FRMD4A: variants seen among roughly 807,000 people sequenced by gnomAD.
FRMD4A encodes the protein FERM domain containing 4A.
Under a neutral mutation model 129.1 loss-of-function variants are expected in FRMD4A, and 29 were observed. The ratio of observed to expected loss-of-function variants is 0.22; its 90% CI spans 0.17 to 0.31. The LOEUF (loss-of-function observed/expected upper bound fraction) is 0.31, where lower values mean the gene tolerates loss of function less well. Among genes scored for constraint, FRMD4A ranks in the 10% least tolerant of loss-of-function variants. The pLI is 1.00. For missense variants in FRMD4A, 1,272 were observed against 1,375.8 expected (o/e 0.92, Z 1.19); for synonymous variants, 634 against 571.6 (o/e 1.11, Z -1.56).
chr10:13,778,360 T>A (rs2092651665), intron 6 of FRMD4A, among the ~76,000 whole-genome samples: 1 of 152,102 alleles, frequency 6.6e-6, no homozygotes, highest in Admixed American at 6.5e-5. Context: ...CATTATGGTA[T>A]CTTTTCCCTC....
intron 3 of FRMD4A, among the ~76,000 whole-genome samples, chr10:13,851,884 G>A (rs1270225592): frequency 1.4e-5 from 2 of 140,176 alleles, no homozygotes; most frequent in African/African-American, 5.4e-5. Flanking sequence ...TGGTGACAAA[G>A]CAAGACTCTG....
At chr10:13,898,005 G>T (rs2094777799) in intron 2 of FRMD4A, among the ~76,000 whole-genome samples, 1 of 150,388 alleles carries the variant, frequency 6.6e-6, no homozygotes, top group Non-Finnish European at 1.5e-5. Context: ...GTTCAGTTAA[G>T]AGGGTTGGAG....
intron 2 of FRMD4A, among the ~76,000 whole-genome samples, chr10:13,974,484 G>A (rs1434047881): frequency 6.6e-6 from 1 of 152,092 alleles, no homozygotes; most frequent in African/African-American, 2.4e-5. Context: ...CACTGGTCCT[G>A]TATCTTCAAT....
At chr10:14,027,327 A>G (rs972700763) in intron 2 of FRMD4A, among the ~76,000 whole-genome samples, 8 of 152,128 alleles carry the variant, frequency 5.3e-5, no homozygotes, top group East Asian at 1.9e-4. Flanking sequence ...TTCTAAGACA[A>G]TTTTTTGGGG....
intron 2 of FRMD4A, among the ~76,000 whole-genome samples, chr10:13,965,445 G>A (rs1380890104): frequency 1.3e-5 from 2 of 152,210 alleles, no homozygotes; most frequent in Non-Finnish European, 2.9e-5. Flanking sequence ...CCTGGACACA[G>A]GTGGCAGTGT....
At chr10:14,033,474 A>G (rs1249068085) in intron 2 of FRMD4A, among the ~76,000 whole-genome samples, 4 of 151,964 alleles carry the variant, frequency 2.6e-5, no homozygotes, top group African/African-American at 7.2e-5. Flanking sequence ...GTGTCCACCA[A>G]TGGCTGATTG....
chr10:14,021,275 C>T (rs1005051045), intron 2 of FRMD4A, among the ~76,000 whole-genome samples: 1 of 151,844 alleles, frequency 6.6e-6, no homozygotes, highest in Non-Finnish European at 1.5e-5. Context: ...CATGGTGGCT[C>T]ACACCTGTAA....
intron 2 of FRMD4A, among the ~76,000 whole-genome samples, chr10:14,124,676 A>T (rs1838731537): frequency 6.6e-6 from 1 of 151,492 alleles, no homozygotes; most frequent in African/African-American, 2.4e-5. Flanking sequence ...ACTTTGTCTC[A>T]ACTACAACAA....
chr10:13,989,109 G>A (rs573624745), intron 2 of FRMD4A, among the ~76,000 whole-genome samples: 1 of 152,050 alleles, frequency 6.6e-6, no homozygotes, highest in Non-Finnish European at 1.5e-5. Flanking sequence ...CTTAGAAGCA[G>A]AGCTCTGGTT....
chr10:14,132,145 G>A (rs1839293217), intron 2 of FRMD4A, among the ~76,000 whole-genome samples: 1 of 152,082 alleles, frequency 6.6e-6, no homozygotes, highest in South Asian at 2.1e-4. Context: ...AATTAGCTGG[G>A]CGTGGTGGCA....
At chr10:14,039,368 GTCCATCCATCCATCCA>G (rs61121735) in intron 2 of FRMD4A, among the ~76,000 whole-genome samples, 2 of 109,438 alleles carry the variant, frequency 1.8e-5, no homozygotes. Context: ...CTGTCCGTCC[GTCCATCCATCCATCCA>G]TCCATCCATC....
At chr10:13,752,883 C>T (rs773066152) in intron 8 of FRMD4A, among the ~76,000 whole-genome samples, 2 of 152,188 alleles carry the variant, frequency 1.3e-5, no homozygotes, top group Non-Finnish European at 2.9e-5. Flanking sequence ...TTTCTATTTG[C>T]GCCCACTTGC....
chr10:14,205,115 C>T (rs947673307), intron 2 of FRMD4A, among the ~76,000 whole-genome samples: 1 of 149,222 alleles, frequency 6.7e-6, no homozygotes, highest in Non-Finnish European at 1.5e-5. Flanking sequence ...AAAATCTTAC[C>T]TAAAAGCAAG....
At chr10:13,970,004 A>G (rs747986099) in intron 2 of FRMD4A, among the ~76,000 whole-genome samples, 13 of 152,158 alleles carry the variant, frequency 8.5e-5, no homozygotes, top group Non-Finnish European at 1.5e-4. Flanking sequence ...ACTCTAAATC[A>G]CGGTTTCAGA....
intron 14 of FRMD4A, among the ~76,000 whole-genome samples, chr10:13,695,231 C>T (rs970536340): frequency 6.6e-6 from 1 of 151,992 alleles, no homozygotes; most frequent in African/African-American, 2.4e-5. Context: ...ACCTCTGCCT[C>T]CTGGGTTGAA....
chr10:13,722,885 C>T (rs2089559007), intron 12 of FRMD4A, among the ~76,000 whole-genome samples: 2 of 151,974 alleles, frequency 1.3e-5, no homozygotes, highest in African/African-American at 4.8e-5. Context: ...AGCTAGGTCA[C>T]CATGCTGGTT....
intron 5 of FRMD4A, among the ~76,000 whole-genome samples, chr10:13,795,164 C>A (rs1217559952): frequency 1.1e-4 from 16 of 152,182 alleles, no homozygotes; most frequent in African/African-American, 2.4e-5. Flanking sequence ...AGGTTAATGA[C>A]CTGCTTCCAT....
At chr10:13,688,158 C>T (rs1048049486) in intron 15 of FRMD4A, among the ~76,000 whole-genome samples, 9 of 152,048 alleles carry the variant, frequency 5.9e-5, no homozygotes, top group African/African-American at 1.2e-4. Flanking sequence ...TGTCCAACAA[C>T]GATAGACTGG....
intron 4 of FRMD4A, among the ~76,000 whole-genome samples, chr10:13,799,259 G>C (rs1358952887): frequency 6.6e-6 from 1 of 152,240 alleles, no homozygotes; most frequent in African/African-American, 2.4e-5. Flanking sequence ...CCGGGTTCAA[G>C]TAATTCTCCT....
Sources: gnomAD v4.1 joint callset for allele counts (sites outside exome capture counted in the v4.1 genomes callset) on GRCh38, gnomAD v4.1.1 for gene constraint, MANE v1.5 for transcripts, NCBI Gene and HGNC (gene_info 2026-07-23, HGNC 2026-07-21) for gene names.